The following ATP6V0A1 variants were observed in gnomAD, a reference collection of about 807,000 sequenced individuals.
The protein encoded by ATP6V0A1 is V-type proton ATPase 116 kDa subunit a 1.
Under a neutral mutation model 105.4 loss-of-function variants are expected in ATP6V0A1, and 43 were observed. That is an observed-to-expected ratio of 0.41 (90% confidence interval 0.32 to 0.53). ATP6V0A1 has a LOEUF of 0.53. ATP6V0A1 is among the 20% of genes least tolerant of loss of function. ATP6V0A1 has a pLI of 0.30. For missense variants in ATP6V0A1, 676 were observed against 1,051.1 expected, an observed-to-expected ratio of 0.64 and a Z score of 4.93; for synonymous variants, 362 against 372.8, an observed-to-expected ratio of 0.97 and a Z score of 0.33.
At chr17:42,463,011 T>TG in intron 2 of ATP6V0A1, among the ~76,000 whole-genome samples, 1 of 142,364 alleles carries the variant, frequency 7.0e-6, no homozygotes, top group South Asian at 2.3e-4. Context: ...TTTTTTTTTT[T>TG]TTTTTTTTTT....
At chr17:42,499,445 T>C (rs2091478873) in intron 15 of ATP6V0A1, among the ~76,000 whole-genome samples, 1 of 150,034 alleles carries the variant, frequency 6.7e-6, no homozygotes, top group Non-Finnish European at 1.5e-5. Context: ...CACTCCAGCC[T>C]GAGCGACAGA....
chr17:42,520,853 T>C, intron 21 of ATP6V0A1, 174 bp from the exon 22 acceptor site: 1 of 644,068 alleles, frequency 1.6e-6, no homozygotes, highest in Non-Finnish European at 2.8e-6. Context: ...GTCGAACTCT[T>C]GATCCCAGGC....
intron 6 of ATP6V0A1, among the ~76,000 whole-genome samples, chr17:42,478,012 A>G (rs897082210): frequency 6.6e-6 from 1 of 152,218 alleles, no homozygotes; most frequent in East Asian, 1.9e-4. Flanking sequence ...ACATATACAC[A>G]ATGGAATACT....
At chr17:42,486,555 C>A (rs566309694) in intron 9 of ATP6V0A1, among the ~76,000 whole-genome samples, 2 of 152,082 alleles carry the variant, frequency 1.3e-5, no homozygotes, top group African/African-American at 4.8e-5. Context: ...ACCATTTTTT[C>A]CTCTGATGAG....
chr17:42,460,790 A>G (rs2086313897), intron 1 of ATP6V0A1, 58 bp from the exon 2 acceptor site: 2 of 884,896 alleles, frequency 2.3e-6, no homozygotes, highest in Non-Finnish European at 3.7e-6. Context: ...GTGGGGTGTC[A>G]TTTGCTCTTA....
intron 14 of ATP6V0A1, among the ~76,000 whole-genome samples, chr17:42,496,917 C>G (rs1271640551): frequency 2.0e-5 from 3 of 152,098 alleles, no homozygotes; most frequent in Non-Finnish European, 4.4e-5. Flanking sequence ...GATAAACAAC[C>G]CAATTTCTTC....
chr17:42,513,187 A>G (rs949399403), intron 19 of ATP6V0A1, among the ~76,000 whole-genome samples: 1 of 152,208 alleles, frequency 6.6e-6, no homozygotes, highest in Non-Finnish European at 1.5e-5. Context: ...TAACCCAAAC[A>G]GATATGCTGT....
chr17:42,467,547 A>G (rs1287205850), intron 3 of ATP6V0A1, among the ~76,000 whole-genome samples: 1 of 152,158 alleles, frequency 6.6e-6, no homozygotes, highest in Non-Finnish European at 1.5e-5. Context: ...CTTAAAACTG[A>G]CCTGATTGTT....
At chr17:42,477,127 G>A (rs1461937056) in intron 5 of ATP6V0A1, among the ~76,000 whole-genome samples, 2 of 152,164 alleles carry the variant, frequency 1.3e-5, no homozygotes, top group Admixed American at 6.5e-5. Context: ...CAGTGGCAGT[G>A]CCTTGCTTCT....
chr17:42,514,350 G>A lies in ATP6V0A1; in HGVS notation c.2310G>A (p.Ala770=), dbSNP rs201924104. 34 of 1,613,632 alleles carry A rather than the reference G, an allele frequency of 2.1e-5. No individual in the cohort carries two copies. Among genetic ancestry groups the A allele is most frequent in the Admixed American group, 2.0e-4 (12 of 59,936 alleles). Residue 770 remains alanine (A), a synonymous_variant, in exon 21 of 22, where the codon GCG becomes GCA. Coordinates refer to ENST00000343619, the MANE Select transcript of ATP6V0A1 (RefSeq NM_001130021.3). ...IHIGLSVKSL[A]GGLVLFFFFT... ...TCGGCCTGAGCGTGAAGAGCTTGGC[G>A]GGAGGTTTGGTGCTGTTCTTCTTCT...
chr17:42,476,668 TAG>T (rs779455930), intron 5 of ATP6V0A1, among the ~76,000 whole-genome samples: 7 of 152,088 alleles, frequency 4.6e-5, no homozygotes, highest in Non-Finnish European at 1.0e-4. Context: ...ATGAGTTCGG[TAG>T]AGAGAGGCTA....
chr17:42,502,985 T>C (rs1346973281), intron 17 of ATP6V0A1: 1 of 152,388 alleles, frequency 6.6e-6, no homozygotes, highest in Non-Finnish European at 1.5e-5. Flanking sequence ...TTGGGAAATA[T>C]GTCCTTGTTA....
chr17:42,483,263 G>A (rs1877308346), intron 9 of ATP6V0A1, 132 bp downstream of exon 9: 5 of 535,850 alleles, frequency 9.3e-6, no homozygotes, highest in Non-Finnish European at 1.5e-5. Flanking sequence ...AATGTACATG[G>A]GTAATATGTC....
intron 2 of ATP6V0A1, among the ~76,000 whole-genome samples, chr17:42,462,379 G>C (rs1050158803): frequency 3.3e-5 from 5 of 151,994 alleles, no homozygotes; most frequent in Admixed American, 3.3e-4. Context: ...ACAGTGATTT[G>C]TTTTGCTTTT....
intron 8 of ATP6V0A1, 38 bp downstream of exon 8, chr17:42,480,787 T>C (rs953936357): frequency 7.6e-6 from 12 of 1,583,828 alleles, no homozygotes; most frequent in South Asian, 1.1e-5. Context: ...TGCACAGCCA[T>C]GCTGCCCAAC....
intron 2 of ATP6V0A1, among the ~76,000 whole-genome samples, chr17:42,465,471 G>T (rs569951724): frequency 1.1e-4 from 17 of 151,488 alleles, no homozygotes; most frequent in Middle Eastern, 3.4e-3. Context: ...TGTATTTTTA[G>T]TAGAGATGGA....
intron 5 of ATP6V0A1, among the ~76,000 whole-genome samples, chr17:42,472,914 T>G (rs1301311438): frequency 6.6e-6 from 1 of 152,080 alleles, no homozygotes; most frequent in Non-Finnish European, 1.5e-5. Context: ...ACTGTGGGAG[T>G]TAGGCCTAGC....
At chr17:42,511,826 G>A (rs2092359478) in intron 19 of ATP6V0A1, among the ~76,000 whole-genome samples, 1 of 151,888 alleles carries the variant, frequency 6.6e-6, no homozygotes, top group Admixed American at 6.6e-5. Flanking sequence ...AGCCGGGTGT[G>A]GTGGTGCGTG....
chr17:42,459,859 T>G (rs554897313), intron 1 of ATP6V0A1, among the ~76,000 whole-genome samples: 1 of 152,336 alleles, frequency 6.6e-6, no homozygotes, highest in South Asian at 2.1e-4. Context: ...AGAGTAAATC[T>G]TCCTTTGATG....
Sources: gnomAD v4.1 joint callset for allele counts (sites outside exome capture counted in the v4.1 genomes callset) on GRCh38, gnomAD v4.1.1 for gene constraint, MANE v1.5 for transcripts, NCBI Gene and HGNC (gene_info 2026-07-23, HGNC 2026-07-21) for gene names.